The following PRKG1 variants were observed in gnomAD, a reference collection of about 807,000 sequenced individuals.
The protein encoded by PRKG1 is protein kinase cGMP-dependent 1.
In PRKG1, 35 loss-of-function variants were observed where a neutral mutation model predicts 88.1. The ratio of observed to expected loss-of-function variants is 0.40; its 90% CI spans 0.30 to 0.53. PRKG1 has a LOEUF of 0.53. Among genes scored for constraint, PRKG1 ranks in the 20% least tolerant of loss-of-function variants. The pLI, the probability that PRKG1 is intolerant of heterozygous loss-of-function variation, is 0.59. For synonymous variants in PRKG1, 303 were observed against 292.5 expected, an observed-to-expected ratio of 1.04 and a Z score of -0.37; for missense variants, 540 against 839.8, an observed-to-expected ratio of 0.64 and a Z score of 4.41.
At chr10:51,080,074 A>G (rs752062253) in intron 1 of PRKG1, among the ~76,000 whole-genome samples, 8 of 152,184 alleles carry the variant, frequency 5.3e-5, no homozygotes, top group Non-Finnish European at 8.8e-5. Flanking sequence ...TGTTATTCTA[A>G]TAGAGTTTCT....
chr10:52,112,425 G>A (rs1253912448), intron 7 of PRKG1, among the ~76,000 whole-genome samples: 1 of 151,994 alleles, frequency 6.6e-6, no homozygotes, highest in Admixed American at 6.6e-5. Flanking sequence ...ATTCAATCTA[G>A]TGTGACTCAT....
intron 2 of PRKG1, among the ~76,000 whole-genome samples, chr10:51,367,837 A>G (rs1271677000): frequency 6.6e-6 from 1 of 151,946 alleles, no homozygotes; most frequent in Non-Finnish European, 1.5e-5. Flanking sequence ...TCCCTACGTA[A>G]TAAAATAGAT....
At chr10:51,695,758 A>G (rs945841011) in intron 3 of PRKG1, 6 of 152,202 alleles carry the variant, frequency 3.9e-5, no homozygotes, top group Non-Finnish European at 8.8e-5. Flanking sequence ...GTAGAAAACA[A>G]CAGCATAGGG....
chr10:52,201,621 G>A (rs1046503531), intron 9 of PRKG1, among the ~76,000 whole-genome samples: 17 of 152,136 alleles, frequency 1.1e-4, no homozygotes, highest in Middle Eastern at 6.8e-3. Flanking sequence ...TAATAATACC[G>A]AATCTGCAAA....
At chr10:52,278,244 G>A (rs1406520983) in intron 12 of PRKG1, among the ~76,000 whole-genome samples, 1 of 152,140 alleles carries the variant, frequency 6.6e-6, no homozygotes, top group East Asian at 1.9e-4. Flanking sequence ...TTAGAGAAAT[G>A]CAAATCAAAA....
intron 5 of PRKG1, among the ~76,000 whole-genome samples, chr10:51,992,241 A>C (rs1032281221): frequency 1.3e-5 from 2 of 152,112 alleles, no homozygotes; most frequent in Non-Finnish European, 2.9e-5. Flanking sequence ...TATATGCCCA[A>C]TTTTGTGAAC....
intron 1 of PRKG1, among the ~76,000 whole-genome samples, chr10:51,023,992 CTG>C (rs931617846): frequency 1.1e-4 from 17 of 152,308 alleles, no homozygotes; most frequent in African/African-American, 4.1e-4. Context: ...CTAATTGACA[CTG>C]TAATTTTCAA....
intron 13 of PRKG1, among the ~76,000 whole-genome samples, chr10:52,281,375 T>C (rs1004746700): frequency 6.6e-5 from 10 of 152,172 alleles, no homozygotes; most frequent in Non-Finnish European, 1.2e-4. Flanking sequence ...ATAATAATAA[T>C]GGTCAAAAGC....
At chr10:51,034,601 A>G (rs975893431) in intron 1 of PRKG1, among the ~76,000 whole-genome samples, 2 of 148,032 alleles carry the variant, frequency 1.4e-5, no homozygotes, top group Non-Finnish European at 3.0e-5. Context: ...AGAGGAATTT[A>G]TACTTAGAAT....
chr10:51,805,454 A>G (rs1439361917), intron 4 of PRKG1, among the ~76,000 whole-genome samples: 2 of 152,042 alleles, frequency 1.3e-5, no homozygotes, highest in Non-Finnish European at 2.9e-5. Flanking sequence ...TGACTTTTTA[A>G]AAAGCACTTA....
intron 3 of PRKG1, among the ~76,000 whole-genome samples, chr10:51,501,195 T>C (rs1841014629): frequency 6.6e-6 from 1 of 152,156 alleles, no homozygotes; most frequent in African/African-American, 2.4e-5. Flanking sequence ...TAAATTTCTG[T>C]GGTTTATAAC....
chr10:51,017,915 C>T (rs1317481799), intron 1 of PRKG1, among the ~76,000 whole-genome samples: 1 of 152,036 alleles, frequency 6.6e-6, no homozygotes, highest in South Asian at 2.1e-4. Flanking sequence ...CTTCCCACCT[C>T]AGCCTTCTGA....
At chr10:52,023,567 T>A (rs1845245172) in intron 5 of PRKG1, among the ~76,000 whole-genome samples, 1 of 152,230 alleles carries the variant, frequency 6.6e-6, no homozygotes, top group Admixed American at 6.5e-5. Context: ...CCACATCCTC[T>A]CCAGCACCTG....
chr10:51,556,768 G>A (rs1263169545), intron 3 of PRKG1, among the ~76,000 whole-genome samples: 1 of 151,938 alleles, frequency 6.6e-6, no homozygotes, highest in Admixed American at 6.6e-5. Flanking sequence ...CTGCCTGTTG[G>A]GTACTATGGT....
At chr10:51,210,215 A>G (rs1838176276) in intron 2 of PRKG1, among the ~76,000 whole-genome samples, 1 of 152,182 alleles carries the variant, frequency 6.6e-6, no homozygotes. Context: ...CTGAATGACT[A>G]CCGGGTACAT....
intron 4 of PRKG1, among the ~76,000 whole-genome samples, chr10:51,821,590 C>A (rs1839746829): frequency 6.6e-6 from 1 of 151,904 alleles, no homozygotes; most frequent in Non-Finnish European, 1.5e-5. Context: ...TGAGTGTACA[C>A]CCCATTAACA....
intron 3 of PRKG1, among the ~76,000 whole-genome samples, chr10:51,549,080 A>G (rs762792586): frequency 4.8e-5 from 7 of 145,506 alleles, no homozygotes; most frequent in Non-Finnish European, 7.5e-5. Context: ...TGGGATACCA[A>G]GTTTCTTCCC....
intron 1 of PRKG1, among the ~76,000 whole-genome samples, chr10:51,104,012 A>G (rs980630013): frequency 1.2e-4 from 19 of 152,196 alleles, no homozygotes; most frequent in African/African-American, 4.1e-4. Flanking sequence ...TGATCTCACC[A>G]CATTTGATAT....
rs570825119 is a variant in PRKG1, at chr10:51,572,985, A to T, written c.592+105149A>T. ...ACAACTGTCAGACTCGAGAATTGTT[A>T]GATGAAAGTAGTATTCTTAAGATTT... On this transcript the variant is annotated intron_variant, in intron 3 of 17. Coordinates refer to ENST00000373980, the MANE Select transcript of PRKG1 (RefSeq NM_006258.4). Among the ~76,000 whole-genome samples the T allele has an allele frequency of 1.1e-3, 167 of 152,004 alleles. 1 individual carries two copies. The highest frequency in any genetic ancestry group is 3.7e-3 in the African/African-American group (153 of 41,552).
Sources: allele counts gnomAD v4.1 joint callset (sites outside exome capture counted in the v4.1 genomes callset), GRCh38; gene constraint gnomAD v4.1.1; transcripts MANE v1.5; gene names NCBI Gene and HGNC (gene_info 2026-07-23, HGNC 2026-07-21).